The following ETFA variants were observed in gnomAD, a reference collection of about 807,000 sequenced individuals.
ETFA encodes electron transfer flavoprotein subunit alpha, mitochondrial.
A neutral mutation model predicts 46.2 loss-of-function variants in ETFA; 22 were observed. The ratio of observed to expected loss-of-function variants is 0.48; its 90% CI spans 0.34 to 0.68. The LOEUF is 0.68. Ranked by LOEUF, ETFA falls within the 30% of genes least tolerant of loss-of-function variation. The pLI, the probability that ETFA is intolerant of heterozygous loss-of-function variation, is 0.01. For missense variants in ETFA, 345 were observed against 401.1 expected (o/e 0.86, Z 1.19); for synonymous variants, 131 against 139.9 (o/e 0.94, Z 0.45).
chr15:76,227,828 G>A (rs1490550433), intron 10 of ETFA: 1 of 456,082 alleles, frequency 2.2e-6, no homozygotes, highest in Admixed American at 2.3e-5. Flanking sequence ...TTCCCTTAGA[G>A]GGGTTCCTCA....
chr15:76,291,349 G>A (rs2039759597), intron 4 of ETFA, among the ~76,000 whole-genome samples: 1 of 151,040 alleles, frequency 6.6e-6, no homozygotes, highest in Non-Finnish European at 1.5e-5. Context: ...GGAGGCTGAG[G>A]CAGGAGAATG....
At chr15:76,304,150 G>T (rs954690011) in intron 1 of ETFA, among the ~76,000 whole-genome samples, 20 of 152,194 alleles carry the variant, frequency 1.3e-4, no homozygotes, top group African/African-American at 4.8e-4. Flanking sequence ...AACATGGACA[G>T]TGCTGGAGGC....
intron 10 of ETFA, chr15:76,230,780 G>A (rs1299290626): frequency 6.4e-6 from 1 of 156,242 alleles, no homozygotes; most frequent in Admixed American, 6.3e-5. Context: ...TAATTACTGA[G>A]ATACTGAGAT....
At chr15:76,229,915 G>A (rs1436725489) in intron 10 of ETFA, 1 of 152,130 alleles carries the variant, frequency 6.6e-6, no homozygotes, top group Non-Finnish European at 1.5e-5. Flanking sequence ...ATGAATTAAT[G>A]TGTCATATTC....
intron 11 of ETFA, among the ~76,000 whole-genome samples, chr15:76,222,684 TGC>T (rs1275582978): frequency 2.6e-5 from 4 of 151,710 alleles, no homozygotes; most frequent in African/African-American, 9.8e-5. Context: ...GGCTTAGTTG[TGC>T]CCATAACCTG....
chr15:76,226,794 G>C (rs1596188792), intron 10 of ETFA, among the ~76,000 whole-genome samples: 1 of 151,770 alleles, frequency 6.6e-6, no homozygotes, highest in African/African-American at 2.4e-5. Flanking sequence ...CAGGAGAATG[G>C]CGTGAACCCA....
chr15:76,262,906 C>A (rs2039431073), intron 9 of ETFA, among the ~76,000 whole-genome samples: 1 of 152,124 alleles, frequency 6.6e-6, no homozygotes, highest in African/African-American at 2.4e-5. Context: ...GACCAGAAGA[C>A]AATGGAACTT....
At chr15:76,236,114 C>G (rs1430522141) in intron 9 of ETFA, among the ~76,000 whole-genome samples, 1 of 152,130 alleles carries the variant, frequency 6.6e-6, no homozygotes, top group African/African-American at 2.4e-5. Context: ...CCTGCTTTAC[C>G]CAAAACACGT....
At chr15:76,307,370 T>C (rs77618240) in intron 1 of ETFA, among the ~76,000 whole-genome samples, 243 of 152,186 alleles carry the variant, frequency 1.6e-3, no homozygotes, top group African/African-American at 5.7e-3. Context: ...CTTTACTCAA[T>C]GGCACAAATC....
chr15:76,252,897 C>CT (rs11303378), intron 9 of ETFA, among the ~76,000 whole-genome samples: 10,232 of 129,872 alleles, frequency 0.079, 444 homozygotes, highest in Middle Eastern at 0.12. Context: ...ACACAGAGTA[C>CT]TTTTTTTTTT....
At chr15:76,256,633 T>A (rs2039348064) in intron 9 of ETFA, among the ~76,000 whole-genome samples, 1 of 152,244 alleles carries the variant, frequency 6.6e-6, no homozygotes, top group African/African-American at 2.4e-5. Context: ...CTTGTACCGA[T>A]GACTATGAGC....
chr15:76,305,859 G>GTT lies in ETFA; in HGVS notation c.39+5489_39+5490dup, dbSNP rs145324866. ...GTCCTTCTCTTTTTCAACCTCAATAGTTGTTTTTTTTTTTTTCTTGTGGGG... is the reference window on the plus strand; with the variant it reads ...GTCCTTCTCTTTTTCAACCTCAATAGTTTTGTTTTTTTTTTTTTCTTGTGGGG... On this transcript the variant is annotated intron_variant, in intron 1 of 11. Transcript: ENST00000557943. Among the ~76,000 whole-genome samples the GTT allele has an allele frequency of 3.3e-3, 481 of 146,620 alleles. 7 individuals carry two copies. The highest frequency in any genetic ancestry group is 7.3e-3 in the African/African-American group (293 of 39,944).
intron 9 of ETFA, among the ~76,000 whole-genome samples, chr15:76,247,227 G>T (rs188396127): frequency 2.6e-5 from 4 of 152,286 alleles, no homozygotes; most frequent in Admixed American, 2.6e-4. Context: ...GGATTTGTAG[G>T]AGTGCACATT....
chr15:76,276,621 T>G (rs1434605420), intron 8 of ETFA, among the ~76,000 whole-genome samples: 5 of 152,130 alleles, frequency 3.3e-5, no homozygotes, highest in Non-Finnish European at 7.4e-5. Flanking sequence ...TTCAGGTTTT[T>G]TTGTTGTTGT....
At chr15:76,226,816 T>C (rs536307086) in intron 10 of ETFA, among the ~76,000 whole-genome samples, 85 of 152,072 alleles carry the variant, frequency 5.6e-4, no homozygotes, top group Non-Finnish European at 1.0e-3. Context: ...GAGGCGGAGG[T>C]TGCAGTGAGC....
chr15:76,302,382 T>C (rs2039887909), intron 1 of ETFA, among the ~76,000 whole-genome samples: 1 of 36,902 alleles, frequency 2.7e-5, no homozygotes, highest in African/African-American at 5.2e-5. Flanking sequence ...TATTACTTAG[T>C]GAAAAAAAAA....
intron 8 of ETFA, 117 bp from the exon 9 acceptor site, chr15:76,274,611 T>C: frequency 1.2e-6 from 1 of 854,118 alleles, no homozygotes; most frequent in Non-Finnish European, 1.9e-6. Context: ...TAGTATATTT[T>C]ATACAGAAAG....
chr15:76,266,838 A>G (rs1265917934), intron 9 of ETFA, among the ~76,000 whole-genome samples: 1 of 152,046 alleles, frequency 6.6e-6, no homozygotes, highest in Non-Finnish European at 1.5e-5. Flanking sequence ...TGGGAGGCGG[A>G]GCTTGCAGTG....
chr15:76,261,011 G>C (rs1238060850), intron 9 of ETFA: 17 of 1,609,418 alleles, frequency 1.1e-5, no homozygotes, highest in Non-Finnish European at 1.4e-5. Context: ...GCTTTGTCAC[G>C]GTGATGTTGA....
Sources: gnomAD v4.1 joint callset for allele counts (sites outside exome capture counted in the v4.1 genomes callset) on GRCh38, gnomAD v4.1.1 for gene constraint, MANE v1.5 for transcripts, NCBI Gene and HGNC (gene_info 2026-07-23, HGNC 2026-07-21) for gene names.